CEP20: variants seen among roughly 807,000 people sequenced by gnomAD.
CEP20 encodes the protein centrosomal protein 20.
CEP20 carries 18 observed loss-of-function variants against 20.0 expected under a neutral mutation model. That is an observed-to-expected ratio of 0.90 (90% CI 0.62 to 1.34). CEP20 has a LOEUF of 1.34. Ranked by LOEUF, CEP20 falls within the 40% of genes most tolerant of loss-of-function variation. The probability of loss-of-function intolerance (pLI) is 0.00; values close to 1 mark genes in which losing one functional copy is unlikely to be tolerated. For synonymous variants in CEP20, 77 were observed against 73.7 expected (o/e 1.04, Z -0.23); for missense variants, 215 against 201.6 (o/e 1.07, Z -0.40).
At chr16:15,872,700 G>GA (rs1352327086) in intron 4 of CEP20, among the ~76,000 whole-genome samples, 1 of 142,404 alleles carries the variant, frequency 7.0e-6, no homozygotes, top group African/African-American at 2.6e-5. Flanking sequence ...AGAGTGACTA[G>GA]AAAAAATACA....
intron 1 of CEP20, among the ~76,000 whole-genome samples, chr16:15,886,656 G>C (rs894940631): frequency 1.3e-5 from 2 of 152,088 alleles, no homozygotes; most frequent in Admixed American, 1.3e-4. Flanking sequence ...CTAAAATAAT[G>C]AGCTCTACCT....
chr16:15,871,748 A>G (rs2044824873), intron 4 of CEP20, among the ~76,000 whole-genome samples: 1 of 152,180 alleles, frequency 6.6e-6, no homozygotes, highest in Non-Finnish European at 1.5e-5. Context: ...CATCCAGTTC[A>G]GCATTCTAAT....
intron 2 of CEP20, chr16:15,882,906 C>G (rs1387781242): frequency 2.6e-5 from 4 of 151,942 alleles, no homozygotes; most frequent in Non-Finnish European, 5.9e-5. Flanking sequence ...AACCCCGTCT[C>G]TACTAAAAAA....
chr16:15,875,917 G>T (rs2151424402), intron 3 of CEP20, among the ~76,000 whole-genome samples: 1 of 151,828 alleles, frequency 6.6e-6, no homozygotes, highest in East Asian at 2.0e-4. Flanking sequence ...TGACCAACAT[G>T]GAGAAACCCC....
chr16:15,888,414 G>T, intron 1 of CEP20, 144 bp downstream of exon 1: 1 of 1,119,140 alleles, frequency 8.9e-7, no homozygotes, highest in Non-Finnish European at 1.3e-6. Flanking sequence ...ACAGCAGCCA[G>T]ACGCTCCCCG....
chr16:15,867,973 C>CAAAA (rs34250443), intron 4 of CEP20, among the ~76,000 whole-genome samples: 54 of 68,750 alleles, frequency 7.9e-4, no homozygotes, highest in Admixed American at 1.2e-3. Context: ...AACTCGGTCT[C>CAAAA]AAAAAAAAAA....
At chr16:15,871,497 T>A (rs1244052037) in intron 4 of CEP20, among the ~76,000 whole-genome samples, 1 of 152,142 alleles carries the variant, frequency 6.6e-6, no homozygotes, top group Non-Finnish European at 1.5e-5. Flanking sequence ...CGTTAAGTAC[T>A]TGCCAATTAG....
intron 3 of CEP20, among the ~76,000 whole-genome samples, chr16:15,874,334 C>T (rs1218832708): frequency 3.3e-5 from 5 of 152,214 alleles, no homozygotes; most frequent in Admixed American, 2.0e-4. Context: ...GTTTACAGAA[C>T]GTATACCTCT....
At chr16:15,869,310 C>CTTT (rs11351295) in intron 4 of CEP20, among the ~76,000 whole-genome samples, 1 of 118,184 alleles carries the variant, frequency 8.5e-6, no homozygotes, top group Non-Finnish European at 1.7e-5. Context: ...TCTTTCTTTC[C>CTTT]TTTTTTTTTT....
rs2044677387 is a variant in CEP20 at position 15,866,306 on chromosome 16, T to C, written c.*1134A>G. ...TAAAGAGGATGCCAATTTTGCTAAC[T>C]ACAGCTCTTACCACTCTTCTCCATG... On this transcript the variant is annotated 3_prime_UTR_variant, in exon 5 of 5. Transcript: ENST00000255759. The C allele has an allele frequency of 6.6e-6, 1 of 152,230 alleles. No individual in the cohort carries two copies. The highest frequency in any genetic ancestry group is 2.4e-5 in the African/African-American group (1 of 41,456). The allele number at this position is 152,230 out of a possible 1,614,324, so 9.4% of individuals were successfully genotyped here.
chr16:15,886,228 G>C (rs901099010), intron 1 of CEP20: 1 of 152,188 alleles, frequency 6.6e-6, no homozygotes, highest in Non-Finnish European at 1.5e-5. Flanking sequence ...ATCTTTCTAA[G>C]CTTCAATAAA....
At chr16:15,872,445 C>T (rs1053023650) in intron 4 of CEP20, among the ~76,000 whole-genome samples, 6 of 152,128 alleles carry the variant, frequency 3.9e-5, no homozygotes, top group Non-Finnish European at 8.8e-5. Context: ...GGTACAGGCT[C>T]GTGCCTGTAA....
At position 15,867,510 on chromosome 16, in the gene CEP20, T is replaced by C. The variant is rs755488449; in HGVS notation, c.455A>G (p.His152Arg). ...QPSRRKPMDD[H>R]LRKEEQKSTN... is the part of the protein sequence containing the mutation. ...ACTTTTCTGTTCCTCCTTTCTTAGG[T>C]GGTCATCTGAAATGCACAGAAACCA... The change falls in exon 5 of 5, where the codon CAC (histidine) becomes CGC (arginine). Residue 152 changes from histidine to arginine, a missense_variant. Physicochemically the swap from His to Arg is conservative, Grantham distance 29 (BLOSUM62 0). Transcript: ENST00000255759. 5.6e-6 allele frequency: 9 copies of C among 1,603,036 alleles called. No homozygotes were observed. In the African/African-American group the frequency reaches 6.7e-5, roughly 12 times the overall value.
At chr16:15,870,154 A>G (rs1390698907) in intron 4 of CEP20, among the ~76,000 whole-genome samples, 2 of 152,190 alleles carry the variant, frequency 1.3e-5, no homozygotes, top group Non-Finnish European at 2.9e-5. Flanking sequence ...ATTGGTTAGG[A>G]AATAGTGTTC....
intron 3 of CEP20, among the ~76,000 whole-genome samples, chr16:15,876,781 T>C (rs1031498802): frequency 6.6e-6 from 1 of 151,824 alleles, no homozygotes; most frequent in Non-Finnish European, 1.5e-5. Flanking sequence ...TTAAAGAAGT[T>C]ACCTAACTTT....
intron 3 of CEP20, among the ~76,000 whole-genome samples, chr16:15,875,916 T>A (rs1391917840): frequency 6.6e-6 from 1 of 151,244 alleles, no homozygotes; most frequent in Admixed American, 6.6e-5. Context: ...CTGACCAACA[T>A]GGAGAAACCC....
At position 15,879,880 on chromosome 16, in the gene CEP20, G is replaced by T; in HGVS notation, c.235C>A (p.Gln79Lys). 1 of 1,580,306 alleles carries T rather than the reference G, an allele frequency of 6.3e-7. No individual in the cohort carries two copies. The highest frequency in any genetic ancestry group is 8.5e-7 in the Non-Finnish European group (1 of 1,169,702). ...TASVLIAESG[Q>K]PVVPLDRQFL... ...TGTCTGTCCAACGGAACTACAGGTTGACCAGATTCTGGGAGAAATAAATTC... is the reference window on the plus strand; with the variant it reads ...TGTCTGTCCAACGGAACTACAGGTTTACCAGATTCTGGGAGAAATAAATTC... Residue 79 changes from glutamine (Q) to lysine (K), a missense_variant, in exon 3 of 5, where the codon CAA becomes AAA. By Grantham distance (53) the Gln-to-Lys change is moderately conservative. Transcript: ENST00000255759.
At chr16:15,872,047 G>A (rs1476293666) in intron 4 of CEP20, among the ~76,000 whole-genome samples, 1 of 152,162 alleles carries the variant, frequency 6.6e-6, no homozygotes, top group Non-Finnish European at 1.5e-5. Context: ...GGGCGCGGTG[G>A]CTCAAGCCTG....
chr16:15,866,266 A>C lies in CEP20; in HGVS notation c.*1174T>G, dbSNP rs1464312572. On this transcript the variant is annotated 3_prime_UTR_variant, in exon 5 of 5. Coordinates refer to ENST00000255759, the MANE Select transcript of CEP20 (RefSeq NM_144600.4). ...AAGTTTCAACAATTTGCAAAGCAGC[A>C]CAGAATTGACACCCTAAAGAGGATG... 1 of 152,240 alleles carries C rather than the reference A, an allele frequency of 6.6e-6. No homozygotes were observed. The highest frequency in any genetic ancestry group is 1.5e-5 in the Non-Finnish European group (1 of 68,040). 9.4% of individuals were successfully genotyped at this position (152,240 alleles called of 1,614,324 possible).
Sources: gnomAD v4.1 joint callset for allele counts (sites outside exome capture counted in the v4.1 genomes callset) on GRCh38, gnomAD v4.1.1 for gene constraint, MANE v1.5 for transcripts, NCBI Gene and HGNC (gene_info 2026-07-23, HGNC 2026-07-21) for gene names.